TMEFF1: variants seen among roughly 807,000 people sequenced by gnomAD.
TMEFF1 encodes tomoregulin-1.
A neutral mutation model predicts 47.5 loss-of-function variants in TMEFF1; 20 were observed. That is an observed-to-expected ratio of 0.42 (90% CI 0.30 to 0.61). TMEFF1 has a LOEUF of 0.61. Among genes scored for constraint, TMEFF1 ranks in the 20% least tolerant of loss-of-function variants. TMEFF1 has a pLI of 0.19. For synonymous variants in TMEFF1, 162 were observed against 166.3 expected (o/e 0.97, Z 0.20); for missense variants, 411 against 471.1 (o/e 0.87, Z 1.18).
At position 100,473,810 on chromosome 9, in the gene TMEFF1, G is replaced by T; in HGVS notation, c.196+70G>T. ...TGCCGCCTCCCTCGTGGTCCCTGCGGTCGGCCGGGCTGGGAAAGACCCCGT... is the reference window on the plus strand; with the variant it reads ...TGCCGCCTCCCTCGTGGTCCCTGCGTTCGGCCGGGCTGGGAAAGACCCCGT... On this transcript the variant is annotated intron_variant, in intron 1 of 9. Transcript: ENST00000374879. This position sits in a 1 kb window ranked among gnomAD's most constrained non-coding sequence, Gnocchi z 5.4. The T allele has an allele frequency of 7.2e-7, 1 of 1,392,906 alleles. No homozygotes were observed. The highest frequency in any genetic ancestry group is 9.4e-7 in the Non-Finnish European group (1 of 1,067,562). 86.3% of individuals were successfully genotyped at this position (1,392,906 alleles called of 1,614,324 possible).
At chr9:100,572,784 C>G in intron 9 of TMEFF1, 108 bp downstream of exon 9, 1 of 1,355,532 alleles carries the variant, frequency 7.4e-7, no homozygotes, top group Non-Finnish European at 9.7e-7. Flanking sequence ...ATGATCAGTT[C>G]CCTGAGGTTT....
At chr9:100,563,187 A>G (rs928052882) in intron 8 of TMEFF1, among the ~76,000 whole-genome samples, 2 of 152,178 alleles carry the variant, frequency 1.3e-5, no homozygotes, top group African/African-American at 4.8e-5. Flanking sequence ...TCCTTAGCTC[A>G]TTAAATCTGC....
intron 3 of TMEFF1, among the ~76,000 whole-genome samples, chr9:100,509,469 A>G (rs1837921499): frequency 6.6e-6 from 1 of 152,092 alleles, no homozygotes; most frequent in South Asian, 2.1e-4. Flanking sequence ...TGTCTTGATG[A>G]TTTTTTAAAA....
At chr9:100,487,230 C>T (rs1224183683) in intron 1 of TMEFF1, among the ~76,000 whole-genome samples, 2 of 152,068 alleles carry the variant, frequency 1.3e-5, no homozygotes, top group African/African-American at 4.8e-5. Flanking sequence ...GTATCACTAT[C>T]TTGGCTCACT....
At chr9:100,553,759 C>A (rs553343847) in intron 7 of TMEFF1, among the ~76,000 whole-genome samples, 1 of 152,264 alleles carries the variant, frequency 6.6e-6, no homozygotes, top group South Asian at 2.1e-4. Flanking sequence ...CTCATATATC[C>A]AGTACCCACC....
intron 6 of TMEFF1, among the ~76,000 whole-genome samples, chr9:100,549,191 G>A (rs1838789047): frequency 6.6e-6 from 1 of 152,118 alleles, no homozygotes; most frequent in Admixed American, 6.5e-5. Flanking sequence ...GAGGGCCTCA[G>A]GAAACACAAT....
At chr9:100,562,980 G>A (rs1423571591) in intron 8 of TMEFF1, among the ~76,000 whole-genome samples, 1 of 152,066 alleles carries the variant, frequency 6.6e-6, no homozygotes, top group Non-Finnish European at 1.5e-5. Context: ...ACCATGCCCA[G>A]CTAATTTTTG....
chr9:100,531,110 A>G (rs898549480), intron 5 of TMEFF1, among the ~76,000 whole-genome samples: 43 of 152,282 alleles, frequency 2.8e-4, no homozygotes, highest in African/African-American at 1.0e-3. Context: ...GCTATCTATG[A>G]CAAACCCACA....
intron 1 of TMEFF1, among the ~76,000 whole-genome samples, chr9:100,494,092 A>G (rs1837607461): frequency 1.3e-5 from 2 of 151,814 alleles, no homozygotes; most frequent in South Asian, 4.2e-4. Context: ...GCTGAGGCCC[A>G]GCTATTTGGG....
intron 5 of TMEFF1, among the ~76,000 whole-genome samples, chr9:100,538,865 T>C (rs1838568415): frequency 6.6e-6 from 1 of 152,228 alleles, no homozygotes; most frequent in African/African-American, 2.4e-5. Context: ...ATAATACTGC[T>C]GTGAATATTC....
intron 7 of TMEFF1, among the ~76,000 whole-genome samples, chr9:100,556,865 A>G (rs1051118992): frequency 3.3e-5 from 5 of 151,864 alleles, no homozygotes; most frequent in Admixed American, 6.6e-5. Flanking sequence ...TATTTTTTTG[A>G]GACACAGTCT....
intron 1 of TMEFF1, 100 bp from the exon 2 acceptor site, chr9:100,498,665 C>T (rs1188134223): frequency 9.4e-7 from 1 of 1,060,822 alleles, no homozygotes; most frequent in Non-Finnish European, 1.4e-6. Context: ...GGGCTCAATA[C>T]ATTTTAAGGA....
intron 3 of TMEFF1, among the ~76,000 whole-genome samples, chr9:100,510,683 C>T (rs1048272667): frequency 6.6e-6 from 1 of 152,062 alleles, no homozygotes; most frequent in Non-Finnish European, 1.5e-5. Context: ...CCATGTTGCC[C>T]AGGCTAGTCT....
intron 1 of TMEFF1, among the ~76,000 whole-genome samples, chr9:100,476,440 G>C (rs1039748990): frequency 4.6e-5 from 7 of 152,142 alleles, no homozygotes; most frequent in African/African-American, 1.7e-4. Context: ...TGTCACCCAG[G>C]CTAGAGTGCA....
chr9:100,529,074 A>G (rs1838323879), intron 5 of TMEFF1, among the ~76,000 whole-genome samples: 1 of 150,246 alleles, frequency 6.7e-6, no homozygotes, highest in Admixed American at 6.6e-5. Flanking sequence ...CCTGCCCTAA[A>G]AGAGCTCCTG....
intron 5 of TMEFF1, among the ~76,000 whole-genome samples, chr9:100,531,462 A>T (rs1480886174): frequency 6.6e-6 from 1 of 152,200 alleles, no homozygotes; most frequent in East Asian, 1.9e-4. Flanking sequence ...CAGAGAGCCA[A>T]ATCATGAGTG....
rs140380838 is a variant in TMEFF1 at position 100,535,756 on chromosome 9, C to T, written c.561-11988C>T. On this transcript the variant is annotated intron_variant, in intron 5 of 9. Transcript: ENST00000374879. ...TCCAGCCTGAACGACAGAGTGAGACCGTATCTCAAAAAACAAAACAAAACT... is the reference window on the plus strand; with the variant it reads ...TCCAGCCTGAACGACAGAGTGAGACTGTATCTCAAAAAACAAAACAAAACT... Among the ~76,000 whole-genome samples, 376 of 152,170 alleles carry T rather than the reference C, an allele frequency of 2.5e-3. 3 individuals are homozygous for T. Among genetic ancestry groups the T allele is most frequent in the African/African-American group, 8.6e-3 (356 of 41,518 alleles).
intron 5 of TMEFF1, among the ~76,000 whole-genome samples, chr9:100,519,954 A>C: frequency 6.6e-6 from 1 of 152,240 alleles, no homozygotes; most frequent in South Asian, 2.1e-4. Context: ...ATTCTGTGGA[A>C]TAGTACTTAC....
chr9:100,533,342 CT>C (rs570420874), intron 5 of TMEFF1, among the ~76,000 whole-genome samples: 2 of 150,706 alleles, frequency 1.3e-5, no homozygotes, highest in African/African-American at 2.4e-5. Flanking sequence ...GTTCTATTGC[CT>C]TTTTTTTTAG....
Sources: allele counts gnomAD v4.1 joint callset (sites outside exome capture counted in the v4.1 genomes callset), GRCh38; gene constraint gnomAD v4.1.1; non-coding constraint Gnocchi (gnomAD v3.1); transcripts MANE v1.5; gene names NCBI Gene and HGNC (gene_info 2026-07-23, HGNC 2026-07-21).